MAD1L1: variants seen among roughly 807,000 people sequenced by gnomAD.
MAD1L1 encodes the protein mitotic spindle assembly checkpoint protein MAD1.
In MAD1L1, 95 loss-of-function variants were observed where a neutral mutation model predicts 96.9. The observed-to-expected ratio is 0.98, with a 90% CI of 0.83 to 1.16. The LOEUF is 1.16. Among genes scored for constraint, MAD1L1 ranks in the 50% most tolerant of loss-of-function variants. The probability of loss-of-function intolerance (pLI) is 0.00; values close to 1 mark genes in which losing one functional copy is unlikely to be tolerated. For synonymous variants in MAD1L1, 473 were observed against 396.6 expected, an observed-to-expected ratio of 1.19 and a Z score of -2.29; for missense variants, 1,007 against 954.4, an observed-to-expected ratio of 1.06 and a Z score of -0.73.
intron 16 of MAD1L1, among the ~76,000 whole-genome samples, chr7:1,950,712 C>T (rs936739210): frequency 6.6e-6 from 1 of 152,222 alleles, no homozygotes; most frequent in Non-Finnish European, 1.5e-5. Context: ...TGAGCAGCTG[C>T]AGGCCCACAG....
intron 9 of MAD1L1, among the ~76,000 whole-genome samples, chr7:2,214,020 C>T (rs996827607): frequency 1.3e-5 from 2 of 152,260 alleles, no homozygotes; most frequent in Non-Finnish European, 2.9e-5. Context: ...CCCTCCTATG[C>T]GCAGGCACGC....
rs997903497 is a variant in MAD1L1, at chr7:2,146,931, G to A, written c.1073+2221C>T. On this transcript the variant is annotated intron_variant, in intron 11 of 18. Transcript: ENST00000265854. This position sits in a 1 kb window ranked among gnomAD's most constrained non-coding sequence, Gnocchi z 6.2. Reference sequence around the variant, plus strand: ...GCCAGAACGCAAGCACCAAGGCCACGACGGGACTCATCCACACCTCATTGG... The same window carrying A: ...GCCAGAACGCAAGCACCAAGGCCACAACGGGACTCATCCACACCTCATTGG... Among the ~76,000 whole-genome samples the A allele has an allele frequency of 2.3e-4, 35 of 152,070 alleles. No homozygotes were observed. Among genetic ancestry groups the A allele is most frequent in the African/African-American group, 6.8e-4 (28 of 41,406 alleles).
intron 13 of MAD1L1, among the ~76,000 whole-genome samples, chr7:2,010,086 T>C (rs935530577): frequency 6.7e-6 from 1 of 150,208 alleles, no homozygotes; most frequent in African/African-American, 2.5e-5. Context: ...TTTTTTTTTT[T>C]TTTTTTTGGC....
intron 12 of MAD1L1, among the ~76,000 whole-genome samples, chr7:2,042,244 C>G (rs945867797): frequency 6.6e-6 from 1 of 151,646 alleles, no homozygotes. Context: ...CATGCGCACA[C>G]GTACACAGAC....
chr7:2,227,189 G>A (rs551281041), intron 3 of MAD1L1, among the ~76,000 whole-genome samples: 5 of 151,002 alleles, frequency 3.3e-5, no homozygotes, highest in South Asian at 2.1e-4. Flanking sequence ...TCAGCTACTC[G>A]GGAGGCTGAG....
At chr7:1,818,446 T>C (rs1464683157) in intron 18 of MAD1L1, among the ~76,000 whole-genome samples, 1 of 152,134 alleles carries the variant, frequency 6.6e-6, no homozygotes, top group African/African-American at 2.4e-5. Context: ...TGCAGTGGCA[T>C]GATAACGGGT....
At chr7:2,137,441 C>T (rs1391594187) in intron 11 of MAD1L1, among the ~76,000 whole-genome samples, 1 of 152,208 alleles carries the variant, frequency 6.6e-6, no homozygotes, top group Non-Finnish European at 1.5e-5. Flanking sequence ...CGCTCTCTAA[C>T]AGAAACGTCA....
chr7:2,213,143 G>T, intron 10 of MAD1L1, 69 bp downstream of exon 10: 1 of 1,529,814 alleles, frequency 6.5e-7, no homozygotes, highest in Non-Finnish European at 9.0e-7. Flanking sequence ...TGAGCCGGAA[G>T]CAGGCTCTGC....
At chr7:2,068,250 G>A (rs1049058203) in intron 12 of MAD1L1, among the ~76,000 whole-genome samples, 3 of 152,230 alleles carry the variant, frequency 2.0e-5, no homozygotes, top group Non-Finnish European at 4.4e-5. Flanking sequence ...GTCAGTGCCC[G>A]AGGGACCTAG....
chr7:1,985,202 T>G (rs1320715064), intron 14 of MAD1L1, among the ~76,000 whole-genome samples: 2 of 152,340 alleles, frequency 1.3e-5, no homozygotes, highest in African/African-American at 4.8e-5. Flanking sequence ...CCGGGCAGCA[T>G]GGGTAGGCCT....
chr7:1,982,382 T>C (rs1780945242), intron 14 of MAD1L1, among the ~76,000 whole-genome samples: 1 of 152,152 alleles, frequency 6.6e-6, no homozygotes, highest in African/African-American at 2.4e-5. Context: ...CTAATTTTTG[T>C]ATTTTTAGTA....
intron 18 of MAD1L1, among the ~76,000 whole-genome samples, chr7:1,888,993 G>A (rs1786366715): frequency 6.6e-6 from 1 of 152,254 alleles, no homozygotes; most frequent in Non-Finnish European, 1.5e-5. Context: ...CTCGTGGCCT[G>A]ATGTCGGCAG....
At chr7:2,027,901 A>G (rs200505982) in intron 12 of MAD1L1, among the ~76,000 whole-genome samples, 1 of 152,260 alleles carries the variant, frequency 6.6e-6, no homozygotes, top group Non-Finnish European at 1.5e-5. Flanking sequence ...TCAAGAAGAC[A>G]ATGAAAGCTA....
intron 17 of MAD1L1, among the ~76,000 whole-genome samples, chr7:1,913,411 A>G (rs574101663): frequency 1.6e-4 from 25 of 151,562 alleles, no homozygotes; most frequent in African/African-American, 5.8e-4. Flanking sequence ...CTGCATGAGG[A>G]GGAATCCGCG....
intron 18 of MAD1L1, among the ~76,000 whole-genome samples, chr7:1,858,355 A>G (rs1385200184): frequency 6.6e-6 from 1 of 152,200 alleles, no homozygotes; most frequent in Non-Finnish European, 1.5e-5. Context: ...ATGACAGGGG[A>G]TGAATGGCTT....
At chr7:2,021,602 T>C (rs1049500366) in intron 12 of MAD1L1, among the ~76,000 whole-genome samples, 1 of 141,836 alleles carries the variant, frequency 7.1e-6, no homozygotes, top group African/African-American at 3.1e-5. Flanking sequence ...TCGTCTCTAC[T>C]GAAAGTAGAA....
At chr7:2,212,737 C>T (rs1445490761) in intron 10 of MAD1L1, among the ~76,000 whole-genome samples, 1 of 152,156 alleles carries the variant, frequency 6.6e-6, no homozygotes, top group African/African-American at 2.4e-5. Context: ...GAGCCAATTC[C>T]ACCTCTTCTC....
intron 16 of MAD1L1, among the ~76,000 whole-genome samples, chr7:1,942,323 G>C (rs895999416): frequency 7.9e-5 from 12 of 152,234 alleles, no homozygotes; most frequent in African/African-American, 2.7e-4. Flanking sequence ...CTCTGCTCCA[G>C]GTGAGACAGG....
At chr7:2,159,001 C>T (rs1182548450) in intron 10 of MAD1L1, among the ~76,000 whole-genome samples, 3 of 151,912 alleles carry the variant, frequency 2.0e-5, no homozygotes, top group African/African-American at 4.9e-5. Context: ...TGGGCCGCTC[C>T]GTGACACCCT....
Sources: allele counts gnomAD v4.1 joint callset (sites outside exome capture counted in the v4.1 genomes callset), GRCh38; gene constraint gnomAD v4.1.1; non-coding constraint Gnocchi (gnomAD v3.1); transcripts MANE v1.5; gene names NCBI Gene and HGNC (gene_info 2026-07-23, HGNC 2026-07-21).